CDYL2: variants seen among roughly 807,000 people sequenced by gnomAD.
The protein encoded by CDYL2 is chromodomain Y-like protein 2.
In CDYL2, 23 loss-of-function variants were observed where a neutral mutation model predicts 49.4. The observed-to-expected ratio is 0.47, with a 90% confidence interval of 0.34 to 0.66. The LOEUF is 0.66. CDYL2 is among the 30% of genes least tolerant of loss of function. The pLI, the probability that CDYL2 is intolerant of heterozygous loss-of-function variation, is 0.01. For missense variants in CDYL2, 678 were observed against 656.4 expected (o/e 1.03, Z -0.36); for synonymous variants, 360 against 268.8 (o/e 1.34, Z -3.32).
chr16:80,698,580 G>A (rs1373383043), intron 1 of CDYL2, among the ~76,000 whole-genome samples: 6 of 152,116 alleles, frequency 3.9e-5, no homozygotes, highest in African/African-American at 1.2e-4. Context: ...TTGGTAGGAC[G>A]TGATTGGATT....
chr16:80,754,227 T>C (rs569651555), intron 1 of CDYL2, among the ~76,000 whole-genome samples: 7 of 152,042 alleles, frequency 4.6e-5, no homozygotes, highest in Admixed American at 1.3e-4. Context: ...TGCCAACCAG[T>C]GACACATCAG....
chr16:80,627,558 G>GT (rs1158842280), intron 3 of CDYL2: 1 of 152,052 alleles, frequency 6.6e-6, no homozygotes, highest in Non-Finnish European at 1.5e-5. Flanking sequence ...TCCTTTTGGT[G>GT]TTGCTAATTC....
chr16:80,772,947 T>C (rs572028254), intron 1 of CDYL2, among the ~76,000 whole-genome samples: 2 of 152,274 alleles, frequency 1.3e-5, no homozygotes, highest in Non-Finnish European at 2.9e-5. Flanking sequence ...ATGGTAGTTT[T>C]AAGCTCAAAT....
intron 4 of CDYL2, among the ~76,000 whole-genome samples, chr16:80,613,360 T>C (rs941332947): frequency 6.6e-6 from 1 of 152,234 alleles, no homozygotes; most frequent in East Asian, 1.9e-4. Context: ...AGCTCAATGA[T>C]TATGCTGGGT....
At position 80,668,209 on chromosome 16, in the gene CDYL2, A is replaced by G. The variant is rs187494046; in HGVS notation, c.616+16329T>C. On this transcript the variant is annotated intron_variant, in intron 2 of 6. Coordinates refer to ENST00000570137, the MANE Select transcript of CDYL2 (RefSeq NM_152342.4). The stretch of plus-strand genomic sequence containing the variant: ...CCGTTCCACACGTCCTGACTCAGAA[A>G]GAGTTCCAAGACAGGCTTTAAGTCA... Among the ~76,000 whole-genome samples, 50 of 152,346 alleles carry G rather than the reference A, an allele frequency of 3.3e-4. 1 individual carries two copies. In the East Asian group the frequency reaches 9.3e-3, roughly 28 times the overall value.
At chr16:80,684,130 G>A (rs1402115693) in intron 2 of CDYL2, among the ~76,000 whole-genome samples, 1 of 152,176 alleles carries the variant, frequency 6.6e-6, no homozygotes, top group African/African-American at 2.4e-5. Context: ...GGGGCATGAT[G>A]AGGCTGCAAG....
intron 1 of CDYL2, among the ~76,000 whole-genome samples, chr16:80,777,623 T>A (rs1907131492): frequency 6.6e-6 from 1 of 152,094 alleles, no homozygotes; most frequent in South Asian, 2.1e-4. Flanking sequence ...AAAATGATGT[T>A]CTTACTAATA....
At chr16:80,620,970 T>C (rs1286203090) in intron 3 of CDYL2, 35 bp from the exon 4 acceptor site, 1 of 1,538,828 alleles carries the variant, frequency 6.5e-7, no homozygotes, top group Non-Finnish European at 8.8e-7. Context: ...GGATGTTAAG[T>C]GTCTATCCTG....
chr16:80,653,953 G>T (rs1435194435), intron 2 of CDYL2, among the ~76,000 whole-genome samples: 1 of 152,176 alleles, frequency 6.6e-6, no homozygotes, highest in African/African-American at 2.4e-5. Context: ...AGTCACTGTG[G>T]TGTCGAGTGT....
At chr16:80,798,372 T>C (rs1907828945) in intron 1 of CDYL2, among the ~76,000 whole-genome samples, 1 of 152,146 alleles carries the variant, frequency 6.6e-6, no homozygotes. Flanking sequence ...CAGATTTCCT[T>C]CTGCTTCTGC....
rs145890469 is a variant in CDYL2, at chr16:80,612,630, G to T, written c.1214C>A (p.Ala405Glu). ...CAGGTATCACAGGAGGCTTACCAGCGCGACGCCCAGGATCTGGGGGAAGGT... is the reference window on the plus strand; with the variant it reads ...CAGGTATCACAGGAGGCTTACCAGCTCGACGCCCAGGATCTGGGGGAAGGT... Reference protein sequence around the residue: ...SYTFPQILGVALANEMLFCGR... With the variant: ...SYTFPQILGVELANEMLFCGR... The change falls in exon 5 of 7, where the codon GCG (alanine) becomes GAG (glutamate). Residue 405 changes from alanine to glutamate, a missense_variant. Transcript: ENST00000570137. This position sits in a 1 kb window ranked among gnomAD's most constrained non-coding sequence, Gnocchi z 5.0. The T allele has an allele frequency of 6.2e-7, 1 of 1,605,514 alleles. No individual in the cohort carries two copies. The highest frequency in any genetic ancestry group is 8.5e-7 in the Non-Finnish European group (1 of 1,175,962).
chr16:80,757,249 C>A (rs1003774771), intron 1 of CDYL2, among the ~76,000 whole-genome samples: 1 of 152,072 alleles, frequency 6.6e-6, no homozygotes, highest in Non-Finnish European at 1.5e-5. Context: ...AATAAGTATT[C>A]AATAACCAAT....
At chr16:80,711,372 G>T (rs1016695280) in intron 1 of CDYL2, among the ~76,000 whole-genome samples, 1 of 152,212 alleles carries the variant, frequency 6.6e-6, no homozygotes, top group Non-Finnish European at 1.5e-5. Flanking sequence ...GGAAGCAGAC[G>T]TTGACAGCTT....
chr16:80,661,935 A>G (rs1909061778), intron 2 of CDYL2, among the ~76,000 whole-genome samples: 1 of 152,178 alleles, frequency 6.6e-6, no homozygotes, highest in Non-Finnish European at 1.5e-5. Context: ...TGTTCATCCA[A>G]TGACTGCATG....
chr16:80,692,850 A>C (rs1367923654), intron 1 of CDYL2, among the ~76,000 whole-genome samples: 1 of 152,242 alleles, frequency 6.6e-6, no homozygotes, highest in Non-Finnish European at 1.5e-5. Flanking sequence ...CTTTCAAGAA[A>C]GAACACACGC....
chr16:80,694,759 G>T (rs2142492186), intron 1 of CDYL2, among the ~76,000 whole-genome samples: 1 of 152,150 alleles, frequency 6.6e-6, no homozygotes, highest in Non-Finnish European at 1.5e-5. Flanking sequence ...ACTCTCCAAT[G>T]AAAAAAACTA....
In CDYL2 at chr16:80,750,063, C is replaced by T. The variant is rs148296570; in HGVS notation, c.24+54087G>A. ...GAACACTTGGACAGAGGAAGGGGAA[C>T]ATCACACACCGGGGCCTGTTGTGGG... On this transcript the variant is annotated intron_variant, in intron 1 of 6. Coordinates refer to ENST00000570137, the MANE Select transcript of CDYL2 (RefSeq NM_152342.4). 9.8e-3 allele frequency among the ~76,000 whole-genome samples: 1,440 copies of T among 147,546 alleles called. 29 individuals carry two copies. Among genetic ancestry groups the T allele is most frequent in the African/African-American group, 0.034 (1,346 of 40,102 alleles).
At chr16:80,763,365 C>T (rs1224858624) in intron 1 of CDYL2, among the ~76,000 whole-genome samples, 1 of 974 alleles carries the variant, frequency 1.0e-3, no homozygotes, top group Non-Finnish European at 2.2e-3. Context: ...AATCCCAGCA[C>T]TTTGGAAGGC....
At chr16:80,790,542 T>TA (rs958832136) in intron 1 of CDYL2, among the ~76,000 whole-genome samples, 1 of 152,232 alleles carries the variant, frequency 6.6e-6, no homozygotes. Flanking sequence ...ATATATACCA[T>TA]ATTCCTCAAA....
Sources: gnomAD v4.1 joint callset for allele counts (sites outside exome capture counted in the v4.1 genomes callset) on GRCh38, gnomAD v4.1.1 for gene constraint, Gnocchi (gnomAD v3.1) non-coding constraint, MANE v1.5 for transcripts, NCBI Gene and HGNC (gene_info 2026-07-23, HGNC 2026-07-21) for gene names.